The following SZT2 variants were observed in gnomAD, a reference collection of about 807,000 sequenced individuals.
SZT2 encodes SZT2 subunit of KICSTOR complex.
A neutral mutation model predicts 404.2 loss-of-function variants in SZT2; 216 were observed. That is an observed-to-expected ratio of 0.53 (90% confidence interval 0.48 to 0.60). The LOEUF (loss-of-function observed/expected upper bound fraction) is 0.60, where lower values mean the gene tolerates loss of function less well. Ranked by LOEUF, SZT2 falls within the 20% of genes least tolerant of loss-of-function variation. The probability of loss-of-function intolerance (pLI) is 0.00; values close to 1 mark genes in which losing one functional copy is unlikely to be tolerated. For missense variants in SZT2, 3,857 were observed against 4,459.2 expected (o/e 0.86, Z 3.85); for synonymous variants, 1,693 against 1,749.9 (o/e 0.97, Z 0.81).
chr1:43,401,883 T>C (rs1304176117), intron 1 of SZT2, among the ~76,000 whole-genome samples: 2 of 152,208 alleles, frequency 1.3e-5, no homozygotes, highest in Admixed American at 6.5e-5. Flanking sequence ...CTTATCACTT[T>C]CCAGTACCTC....
Position 43,423,116 on chromosome 1 carries a change from G to C in SZT2, c.2055G>C (p.Arg685Ser). The C allele has an allele frequency of 1.9e-6, 3 of 1,593,808 alleles. No homozygotes were observed. The highest frequency in any genetic ancestry group is 2.5e-6 in the Non-Finnish European group (3 of 1,177,782). The change falls in exon 15 of 72, where the codon AGG (arginine) becomes AGC (serine). Residue 685 changes from arginine (R) to serine (S), a missense_variant. Around this residue, in one of 7 missense-constraint regions of SZT2, gnomAD observed 1,725 missense variants for 1,881.0 expected, o/e 0.92. Transcript: ENST00000634258. ...CCCCTCAGATTGTGTCAGGCTTGAG[G>C]GAAGAGATCCTGCGGCTGCGTTTCC... is the stretch of plus-strand genomic sequence containing the variant. ...PARHKIVSGL[R>S]EEILRLRFPH...
Position 43,431,788 on chromosome 1 carries a change from C to A in SZT2, c.5161C>A (p.His1721Asn), listed in dbSNP as rs376678520. The A allele has an allele frequency of 1.2e-6, 2 of 1,614,228 alleles. No homozygotes were observed. The highest frequency in any genetic ancestry group is 1.7e-6 in the Non-Finnish European group (2 of 1,180,032). ...RGGIPQSPAL[H>N]RAAAHIHSSP... Reference sequence around the variant, plus strand: ...GGGCATCCCACAGAGTCCTGCCCTGCACCGCGCAGCTGCCCATATCCATAG... The same window carrying A: ...GGGCATCCCACAGAGTCCTGCCCTGAACCGCGCAGCTGCCCATATCCATAG... Residue 1721 changes from histidine to asparagine, a missense_variant, in exon 36 of 72, where the codon CAC (histidine) becomes AAC (asparagine). Coordinates refer to ENST00000634258, the MANE Select transcript of SZT2 (RefSeq NM_001365999.1).
At chr1:43,400,770 G>A (rs1007508210) in intron 1 of SZT2, among the ~76,000 whole-genome samples, 4 of 152,064 alleles carry the variant, frequency 2.6e-5, no homozygotes, top group Non-Finnish European at 5.9e-5. Context: ...TACTTGGGAG[G>A]CTTAGGCAGG....
At chr1:43,419,614 A>T in intron 7 of SZT2, 120 bp from the exon 8 acceptor site, 1 of 779,714 alleles carries the variant, frequency 1.3e-6, no homozygotes, top group South Asian at 1.7e-5. Context: ...ACACTGGCCT[A>T]CTTCCCACTC....
chr1:43,429,917 G>C (rs1473578451), intron 29 of SZT2, 73 bp downstream of exon 29: 13 of 1,612,274 alleles, frequency 8.1e-6, no homozygotes, highest in Non-Finnish European at 1.1e-5. Context: ...TCTCTCCTGG[G>C]CGGGGGGTAT....
At chr1:43,449,696 C>T (rs1656145963) in intron 70 of SZT2, 2 of 276,902 alleles carry the variant, frequency 7.2e-6, no homozygotes, top group East Asian at 8.0e-5. Flanking sequence ...GAGAGCAAAT[C>T]ATCCCGGGAT....
chr1:43,435,305 C>G lies in SZT2; in HGVS notation c.6010C>G (p.Gln2004Glu), dbSNP rs762731709. Residue 2004 changes from glutamine (Q) to glutamate (E), a missense_variant, in exon 42 of 72, where the codon CAG becomes GAG. By Grantham distance (29) the Gln-to-Glu change is conservative. This residue lies in a region of SZT2 where 1,725 missense variants were observed against 1,881.0 expected (regional missense o/e 0.92). Coordinates refer to ENST00000634258, the MANE Select transcript of SZT2 (RefSeq NM_001365999.1). Reference sequence around the variant, plus strand: ...CAGTGAGACTCCCTTCCACTCCCGTCAGCGGGCACCACTGCCCAGTGATGG... The same window carrying G: ...CAGTGAGACTCCCTTCCACTCCCGTGAGCGGGCACCACTGCCCAGTGATGG... The part of the protein sequence containing the change: ...WRSETPFHSR[Q>E]RAPLPSDDYA... 17 of 1,614,098 alleles carry G rather than the reference C, an allele frequency of 1.1e-5. No individual in the cohort carries two copies. Among genetic ancestry groups the G allele is most frequent in the Admixed American group, 3.3e-5 (2 of 60,008 alleles).
chr1:43,453,466 C>T lies in SZT2; in HGVS notation c.*2986C>T, dbSNP rs377170811. 3.4e-5 allele frequency: 53 copies of T among 1,561,836 alleles called. No homozygotes were observed. Among genetic ancestry groups the T allele is most frequent in the Non-Finnish European group, 4.6e-5 (53 of 1,152,080 alleles). On this transcript the variant is annotated 3_prime_UTR_variant, in exon 72 of 72. Transcript: ENST00000634258. Reference sequence around the variant, plus strand: ...AGGCCGCCTGTCTCCCGGGGACGGCCCCCAGCCCCATTTCCCCCTTCTCTT... The same window carrying T: ...AGGCCGCCTGTCTCCCGGGGACGGCTCCCAGCCCCATTTCCCCCTTCTCTT...
In SZT2 at chr1:43,439,307, G is replaced by A. The variant is rs764200510; in HGVS notation, c.6793-51G>A. 5 of 1,601,252 alleles carry A rather than the reference G, an allele frequency of 3.1e-6. No individual in the cohort carries two copies. In the South Asian group the frequency reaches 5.5e-5, roughly 18 times the overall value. ...CCCACTGTGGGCACCCATCCCCGAG[G>A]GTTTTGTCCATTTGCTTGCTCTTAG... On this transcript the variant is annotated intron_variant, in intron 48 of 71. Transcript: ENST00000634258. The surrounding 1 kb of genome is among the most constrained non-coding windows in gnomAD (Gnocchi z 4.2).
rs1656225439 is a variant in SZT2, at chr1:43,450,226, G to A, written c.10155+55G>A. ...CCTCATGGGAGGCCGTACCCCAAAT[G>A]CTCCACCTCGGAGCCTGCTGAGGTT... On this transcript the variant is annotated intron_variant, in intron 71 of 71. Coordinates refer to ENST00000634258, the MANE Select transcript of SZT2 (RefSeq NM_001365999.1). The surrounding 1 kb of genome is among the most constrained non-coding windows in gnomAD (Gnocchi z 4.3). The A allele has an allele frequency of 1.2e-6, 2 of 1,613,744 alleles. No individual in the cohort carries two copies. Among genetic ancestry groups the A allele is most frequent in the Non-Finnish European group, 1.7e-6 (2 of 1,179,784 alleles).
In SZT2 at chr1:43,424,965, G is replaced by A; in HGVS notation, c.2550+103G>A. ...GGACTGCTGGAAACTGCCTCACAGG[G>A]ACCCTGTGGCCAGAGGATGCTCAAG... On this transcript the variant is annotated intron_variant, in intron 17 of 71. Coordinates refer to ENST00000634258, the MANE Select transcript of SZT2 (RefSeq NM_001365999.1). The surrounding 1 kb of genome is among the most constrained non-coding windows in gnomAD (Gnocchi z 4.1). 1.3e-6 allele frequency: 2 copies of A among 1,494,810 alleles called. No homozygotes were observed. Among genetic ancestry groups the A allele is most frequent in the Non-Finnish European group, 1.9e-6 (2 of 1,076,288 alleles). 92.6% of individuals were successfully genotyped at this position (1,494,810 alleles called of 1,614,324 possible).
rs535047886 is a variant in SZT2, at chr1:43,409,799, T to A, written c.498+5249T>A. ...TGGAATGATATTCCATGTTCATGGA[T>A]TGGAAGAATCAGTATTGTTAAAATG... is the stretch of plus-strand genomic sequence containing the variant. On this transcript the variant is annotated intron_variant, in intron 4 of 71. Coordinates refer to ENST00000634258, the MANE Select transcript of SZT2 (RefSeq NM_001365999.1). 16 of 168,182 alleles carry A rather than the reference T, an allele frequency of 9.5e-5. No homozygotes were observed. In the South Asian group the frequency reaches 1.4e-3, roughly 15 times the overall value. 10.4% of individuals were successfully genotyped at this position (168,182 alleles called of 1,614,324 possible). A position where few individuals can be genotyped will look rare whatever the true frequency, so the allele number is the denominator to read the frequency against.
chr1:43,420,321 A>G lies in SZT2; in HGVS notation c.1259A>G (p.Lys420Arg). The G allele has an allele frequency of 1.9e-6, 3 of 1,587,200 alleles. No individual in the cohort carries two copies. Among genetic ancestry groups the G allele is most frequent in the Non-Finnish European group, 2.6e-6 (3 of 1,173,708 alleles). ...AGTGTCCGAGAGGTCACACTGGCCA[A>G]AGGTAAGGGTCATTAGGCCCTGCTG... is the stretch of plus-strand genomic sequence containing the variant. ...GYSVREVTLA[K>R]GGSQLEVKLV... The change falls in exon 9 of 72, where the codon AAA becomes AGA. Residue 420 changes from lysine to arginine, a missense_variant and splice_region_variant. Lys to Arg is a conservative substitution (Grantham distance 26, BLOSUM62 2). Transcript: ENST00000634258. The surrounding 1 kb of genome is among the most constrained non-coding windows in gnomAD (Gnocchi z 5.1).
chr1:43,428,650 C>T lies in SZT2; in HGVS notation c.4166+164C>T. On this transcript the variant is annotated intron_variant, in intron 28 of 71. Coordinates refer to ENST00000634258, the MANE Select transcript of SZT2 (RefSeq NM_001365999.1). ...ACGGACTCCCATGCAGCCTTCCTCA[C>T]CAATTTGGCACAGGCAGCAGTCTCC... is the stretch of plus-strand genomic sequence containing the variant. 5 of 957,998 alleles carry T rather than the reference C, an allele frequency of 5.2e-6. No individual in the cohort carries two copies. In the South Asian group the frequency reaches 8.7e-5, roughly 17 times the overall value. 59.3% of individuals were successfully genotyped at this position (957,998 alleles called of 1,614,324 possible).
At chr1:43,429,201 T>C (rs1653556565) in intron 28 of SZT2, 1 of 157,120 alleles carries the variant, frequency 6.4e-6, no homozygotes, top group Admixed American at 6.1e-5. Flanking sequence ...CTACTCTGTT[T>C]CATAGAAATC....
chr1:43,439,490 C>T lies in SZT2; in HGVS notation c.6877+48C>T. On this transcript the variant is annotated intron_variant, in intron 49 of 71. Coordinates refer to ENST00000634258, the MANE Select transcript of SZT2 (RefSeq NM_001365999.1). This position sits in a 1 kb window ranked among gnomAD's most constrained non-coding sequence, Gnocchi z 4.2. The stretch of plus-strand genomic sequence containing the variant: ...GTGGCACCACCAGGTGAGGGAAAGC[C>T]TTTTGTCATCCTATTGCTAAGAGGA... 2.5e-6 allele frequency: 4 copies of T among 1,597,544 alleles called. No homozygotes were observed. Among genetic ancestry groups the T allele is most frequent in the Non-Finnish European group, 3.4e-6 (4 of 1,170,296 alleles).
intron 6 of SZT2, among the ~76,000 whole-genome samples, 163 bp from the exon 7 acceptor site, chr1:43,416,372 G>A (rs879470494): frequency 9.8e-5 from 15 of 152,290 alleles, no homozygotes; most frequent in Admixed American, 9.8e-4. Context: ...GGAGGGTAAG[G>A]GAGAAGGAAA....
chr1:43,428,018 C>A lies in SZT2; in HGVS notation c.3819C>A (p.Asp1273Glu), dbSNP rs776256896. Residue 1273 changes from aspartate (D) to glutamate (E), a missense_variant, in exon 27 of 72, where the codon GAC becomes GAA. Coordinates refer to ENST00000634258, the MANE Select transcript of SZT2 (RefSeq NM_001365999.1). The stretch of plus-strand genomic sequence containing the variant: ...CGTTTCCTAGGACTCAGTTCCTCGA[C>A]CACCCCTCCCCATCCTCAGCCTGGA... ...RDLIFRTQFL[D>E]HPSPSSAWME... The A allele has an allele frequency of 6.2e-7, 1 of 1,614,046 alleles. No individual in the cohort carries two copies. The highest frequency in any genetic ancestry group is 8.5e-7 in the Non-Finnish European group (1 of 1,179,936).
Position 43,453,550 on chromosome 1 carries a change from C to A in SZT2, c.*3070C>A. ...GGCTCGGACACTCCCCTGCCCGCGC[C>A]CCGGCACCCCCCAGCCCTCCCAGCC... is the stretch of plus-strand genomic sequence containing the variant. On this transcript the variant is annotated 3_prime_UTR_variant, in exon 72 of 72. Coordinates refer to ENST00000634258, the MANE Select transcript of SZT2 (RefSeq NM_001365999.1). The A allele has an allele frequency of 6.6e-7, 1 of 1,521,476 alleles. No homozygotes were observed. Among genetic ancestry groups the A allele is most frequent in the South Asian group, 1.3e-5 (1 of 79,242 alleles). 94.2% of individuals were successfully genotyped at this position (1,521,476 alleles called of 1,614,324 possible). A position where few individuals can be genotyped will look rare whatever the true frequency, so the allele number is the denominator to read the frequency against.
Sources: allele counts gnomAD v4.1 joint callset (sites outside exome capture counted in the v4.1 genomes callset), GRCh38; gene constraint gnomAD v4.1.1; regional missense constraint gnomAD v4.1.1; non-coding constraint Gnocchi (gnomAD v3.1); transcripts MANE v1.5; gene names NCBI Gene and HGNC (gene_info 2026-07-23, HGNC 2026-07-21).